Variants in SEMA6D observed in about 807,000 individuals in gnomAD.
SEMA6D encodes semaphorin-6D.
In SEMA6D, 35 loss-of-function variants were observed where a neutral mutation model predicts 106.6. That is an observed-to-expected ratio of 0.33 (90% confidence interval 0.25 to 0.44). SEMA6D has a LOEUF of 0.44. Ranked by LOEUF, SEMA6D falls within the 20% of genes least tolerant of loss-of-function variation. SEMA6D has a pLI of 1.00. For synonymous variants in SEMA6D, 499 were observed against 487.7 expected (o/e 1.02, Z -0.31); for missense variants, 1,185 against 1,345.9 (o/e 0.88, Z 1.87).
intron 4 of SEMA6D, among the ~76,000 whole-genome samples, chr15:47,694,040 A>G (rs1199009459): frequency 6.6e-6 from 1 of 152,166 alleles, no homozygotes; most frequent in East Asian, 1.9e-4. Flanking sequence ...AAACCCTTGC[A>G]TTAGTTTAAA....
intron 4 of SEMA6D, among the ~76,000 whole-genome samples, chr15:47,643,089 C>A (rs1038479375): frequency 2.0e-5 from 3 of 152,142 alleles, no homozygotes; most frequent in African/African-American, 7.2e-5. Flanking sequence ...AGCAAGGATT[C>A]TTCAAGCACA....
chr15:47,242,038 G>A (rs1490793742), intron 1 of SEMA6D, among the ~76,000 whole-genome samples: 1 of 152,074 alleles, frequency 6.6e-6, no homozygotes, highest in Non-Finnish European at 1.5e-5. Context: ...TTTAGAACTT[G>A]TGTGGCCTTG....
At chr15:47,701,131 C>G (rs2078801757) in intron 4 of SEMA6D, among the ~76,000 whole-genome samples, 1 of 152,086 alleles carries the variant, frequency 6.6e-6, no homozygotes, top group Non-Finnish European at 1.5e-5. Context: ...GCTCTGTGAA[C>G]AGCACAGTCA....
intron 1 of SEMA6D, among the ~76,000 whole-genome samples, chr15:47,758,220 T>A (rs186049739): frequency 1.5e-4 from 23 of 152,332 alleles, no homozygotes; most frequent in African/African-American, 5.1e-4. Context: ...TGACTTGTAC[T>A]TTAGTTAGAC....
At chr15:47,747,475 G>C (rs971855311) in intron 1 of SEMA6D, among the ~76,000 whole-genome samples, 8 of 152,140 alleles carry the variant, frequency 5.3e-5, no homozygotes, top group Non-Finnish European at 1.0e-4. Flanking sequence ...AGAAAATCCA[G>C]ACTTAAAGTG....
At chr15:47,322,397 C>G (rs560993358) in intron 1 of SEMA6D, among the ~76,000 whole-genome samples, 1 of 150,726 alleles carries the variant, frequency 6.6e-6, no homozygotes, top group African/African-American at 2.4e-5. Context: ...TCTTCCATGT[C>G]TTTTATGATC....
Position 47,348,718 on chromosome 15 carries a change from C to CAGA in SEMA6D, c.-238-63675_-238-63674insAGA, listed in dbSNP as rs1379277513. ...ACACACACACACACACACACACACACCACACACACAGAGAGAGAGAGAGAG... is the reference window on the plus strand; with the variant it reads ...ACACACACACACACACACACACACACAGACACACACACAGAGAGAGAGAGAGAG... On this transcript the variant is annotated intron_variant, in intron 1 of 19. Transcript: ENST00000558014. 2.8e-3 allele frequency among the ~76,000 whole-genome samples: 134 copies of CAGA among 47,992 alleles called. 5 individuals carry two copies. The highest frequency in any genetic ancestry group is 7.9e-3 in the African/African-American group (131 of 16,544). 31.5% of individuals were successfully genotyped at this position (47,992 alleles called of 152,430 possible). A position where few individuals can be genotyped will look rare whatever the true frequency, so the allele number is the denominator to read the frequency against.
chr15:47,766,704 T>C, intron 16 of SEMA6D, 27 bp downstream of exon 16: 1 of 1,485,352 alleles, frequency 6.7e-7, no homozygotes, highest in South Asian at 1.1e-5. Flanking sequence ...CATTCCCACC[T>C]GGAGCTTCTT....
intron 1 of SEMA6D, among the ~76,000 whole-genome samples, chr15:47,311,699 A>T (rs1210204366): frequency 6.6e-6 from 1 of 152,166 alleles, no homozygotes; most frequent in Non-Finnish European, 1.5e-5. Context: ...TGAAAAAAAA[A>T]TCTATATATA....
At chr15:47,727,085 G>A (rs3959656) in intron 1 of SEMA6D, among the ~76,000 whole-genome samples, 7,767 of 152,186 alleles carry the variant, frequency 0.051, 620 homozygotes, top group African/African-American at 0.16. Context: ...TTCCACTGTC[G>A]GTACTGTTGA....
intron 1 of SEMA6D, among the ~76,000 whole-genome samples, chr15:47,410,528 C>T (rs1050550449): frequency 2.0e-5 from 3 of 152,078 alleles, no homozygotes; most frequent in Non-Finnish European, 2.9e-5. Context: ...CCTCATTTGT[C>T]GACCATAGTC....
intron 1 of SEMA6D, among the ~76,000 whole-genome samples, chr15:47,723,697 A>ATT (rs142790573): frequency 2.5e-4 from 38 of 151,470 alleles, no homozygotes; most frequent in South Asian, 4.2e-4. Context: ...ATGCATCAGC[A>ATT]TTTTTTTTTG....
chr15:47,299,270 A>G (rs889468535), intron 1 of SEMA6D, among the ~76,000 whole-genome samples: 1 of 152,202 alleles, frequency 6.6e-6, no homozygotes, highest in African/African-American at 2.4e-5. Context: ...GTTGGTCCAC[A>G]CAAACTAACC....
intron 4 of SEMA6D, among the ~76,000 whole-genome samples, chr15:47,664,320 T>C (rs561942526): frequency 2.4e-4 from 37 of 152,336 alleles, no homozygotes; most frequent in African/African-American, 8.4e-4. Context: ...TCCTCACCTA[T>C]ATAATAACTG....
chr15:47,761,881 A>C, intron 7 of SEMA6D, 130 bp downstream of exon 7: 1 of 801,990 alleles, frequency 1.2e-6, no homozygotes, highest in South Asian at 1.9e-5. Context: ...GCTAGAATCT[A>C]TGCACAAATT....
At chr15:47,218,393 T>C (rs62013968) in intron 1 of SEMA6D, among the ~76,000 whole-genome samples, 1,855 of 152,224 alleles carry the variant, frequency 0.012, 43 homozygotes, top group Admixed American at 0.012. Flanking sequence ...AACCCTATTA[T>C]GGGTTGAATG....
At chr15:47,424,603 A>G (rs780583648) in intron 2 of SEMA6D, among the ~76,000 whole-genome samples, 1 of 152,102 alleles carries the variant, frequency 6.6e-6, no homozygotes, top group Non-Finnish European at 1.5e-5. Context: ...CAACAATGTA[A>G]TGAATATCCT....
intron 4 of SEMA6D, among the ~76,000 whole-genome samples, chr15:47,660,121 G>A (rs2077887471): frequency 6.6e-6 from 1 of 150,576 alleles, no homozygotes; most frequent in South Asian, 2.1e-4. Flanking sequence ...TTAAAAAGGA[G>A]GAAATAGTTG....
chr15:47,529,603 T>TAAAAAAAAA (rs67339779), intron 3 of SEMA6D, among the ~76,000 whole-genome samples: 1 of 135,756 alleles, frequency 7.4e-6, no homozygotes. Context: ...TCTGTAGCAC[T>TAAAAAAAAA]AAAAAAAAAA....
Sources: gnomAD v4.1 joint callset for allele counts (sites outside exome capture counted in the v4.1 genomes callset) on GRCh38, gnomAD v4.1.1 for gene constraint, MANE v1.5 for transcripts, NCBI Gene and HGNC (gene_info 2026-07-23, HGNC 2026-07-21) for gene names.